Variants in FHIT observed in about 807,000 individuals in gnomAD.
FHIT encodes the protein bis(5'-adenosyl)-triphosphatase.
FHIT carries 19 observed loss-of-function variants against 17.9 expected under a neutral mutation model. The observed-to-expected ratio is 1.06, with a 90% confidence interval of 0.74 to 1.56. The LOEUF is 1.56. Ranked by LOEUF, FHIT falls within the 40% of genes most tolerant of loss-of-function variation. The pLI, the probability that FHIT is intolerant of heterozygous loss-of-function variation, is 0.00. For missense variants in FHIT, 248 were observed against 189.2 expected, an observed-to-expected ratio of 1.31 and a Z score of -1.82; for synonymous variants, 81 against 69.7, an observed-to-expected ratio of 1.16 and a Z score of -0.81.
intron 5 of FHIT, among the ~76,000 whole-genome samples, chr3:60,052,582 G>A (rs1463739942): frequency 6.6e-6 from 1 of 151,930 alleles, no homozygotes; most frequent in Non-Finnish European, 1.5e-5. Context: ...ATTGTGAACT[G>A]GCTAGAGTGC....
chr3:61,195,127 G>C (rs989659336), intron 2 of FHIT, among the ~76,000 whole-genome samples: 1 of 145,282 alleles, frequency 6.9e-6, no homozygotes, highest in Non-Finnish European at 1.5e-5. Flanking sequence ...AGGGAAGAAA[G>C]AAAAAAAAAA....
intron 3 of FHIT, among the ~76,000 whole-genome samples, chr3:60,959,240 T>G (rs1553779813): frequency 6.6e-6 from 1 of 152,166 alleles, no homozygotes; most frequent in African/African-American, 2.4e-5. Flanking sequence ...ATGTGCTAAT[T>G]TCTTAACTCT....
chr3:60,446,994 T>A (rs1559920999), intron 5 of FHIT, among the ~76,000 whole-genome samples: 1 of 151,982 alleles, frequency 6.6e-6, no homozygotes, highest in Non-Finnish European at 1.5e-5. Flanking sequence ...GACCCAAACT[T>A]CTATGCTTGT....
intron 5 of FHIT, among the ~76,000 whole-genome samples, chr3:60,034,301 C>T (rs1436468252): frequency 6.6e-6 from 1 of 152,238 alleles, no homozygotes; most frequent in Non-Finnish European, 1.5e-5. Flanking sequence ...GGCCAGCTGG[C>T]TGGCTCACAC....
intron 5 of FHIT, among the ~76,000 whole-genome samples, chr3:60,182,233 A>G (rs1257848303): frequency 6.6e-6 from 1 of 152,156 alleles, no homozygotes; most frequent in African/African-American, 2.4e-5. Flanking sequence ...TGAAAACGGG[A>G]TTGACTAAAT....
chr3:59,857,418 G>A (rs1317919245), intron 8 of FHIT, among the ~76,000 whole-genome samples: 1 of 151,876 alleles, frequency 6.6e-6, no homozygotes, highest in Non-Finnish European at 1.5e-5. Context: ...TCTCTACCAC[G>A]TTCCTGACAT....
Position 60,231,617 on chromosome 3 carries a change from C to A in FHIT, c.104-217465G>T, listed in dbSNP as rs187858585. 2.2e-4 allele frequency among the ~76,000 whole-genome samples: 34 copies of A among 152,280 alleles called. 2 individuals are homozygous for A. The highest frequency in any genetic ancestry group is 4.4e-5 in the Non-Finnish European group (3 of 68,024). On this transcript the variant is annotated intron_variant, in intron 5 of 9. Coordinates refer to ENST00000492590, the MANE Select transcript of FHIT (RefSeq NM_002012.4). ...AAGGCAGCCATTTAATGCTTTCCTG[C>A]CTTATAGAATAACTAATCCTTATTG...
At chr3:60,649,676 C>T (rs2039946736) in intron 4 of FHIT, among the ~76,000 whole-genome samples, 1 of 152,036 alleles carries the variant, frequency 6.6e-6, no homozygotes, top group African/African-American at 2.4e-5. Flanking sequence ...GGAGAAAATC[C>T]TGCATATTAA....
intron 4 of FHIT, among the ~76,000 whole-genome samples, chr3:60,579,910 C>G (rs1553659044): frequency 6.6e-6 from 1 of 152,108 alleles, no homozygotes; most frequent in Non-Finnish European, 1.5e-5. Flanking sequence ...CTGGCCACTT[C>G]TCCATGTATT....
intron 8 of FHIT, among the ~76,000 whole-genome samples, chr3:59,764,463 C>G (rs1701691384): frequency 6.6e-6 from 1 of 152,172 alleles, no homozygotes; most frequent in African/African-American, 2.4e-5. Flanking sequence ...CAAAACTGCA[C>G]CCTCTGAAGC....
chr3:60,616,353 T>C (rs530533802), intron 4 of FHIT, among the ~76,000 whole-genome samples: 5 of 152,346 alleles, frequency 3.3e-5, no homozygotes, highest in Admixed American at 2.0e-4. Context: ...GGTGTCAACA[T>C]ATTTCATCAC....
intron 5 of FHIT, among the ~76,000 whole-genome samples, chr3:60,192,128 G>A (rs1394906857): frequency 1.3e-5 from 2 of 151,730 alleles, no homozygotes; most frequent in Non-Finnish European, 2.9e-5. Context: ...GTGGGTGCCT[G>A]TAATCCCAGC....
rs149832955 is a variant in FHIT at position 60,173,855 on chromosome 3, T to C, written c.104-159703A>G. 2.3e-3 allele frequency among the ~76,000 whole-genome samples: 315 copies of C among 134,472 alleles called. 2 individuals carry two copies. The highest frequency in any genetic ancestry group is 4.1e-3 in the Middle Eastern group (1 of 246). The allele number at this position is 134,472 out of a possible 152,430, so 88.2% of individuals were successfully genotyped here. On this transcript the variant is annotated intron_variant, in intron 5 of 9. Coordinates refer to ENST00000492590, the MANE Select transcript of FHIT (RefSeq NM_002012.4). ...GGTGCTAAAATATTTTCAGGATCAA[T>C]GGTGGTGCTAAACTATCTCCATGTT...
chr3:60,976,096 C>CTTTTTTTTTTTTTTTT lies in FHIT; in HGVS notation c.-111+65935_-111+65950dup, dbSNP rs869239307. Among the ~76,000 whole-genome samples, 294 of 66,792 alleles carry CTTTTTTTTTTTTTTTT rather than the reference C, an allele frequency of 4.4e-3. 44 individuals carry two copies. The highest frequency in any genetic ancestry group is 6.7e-3 in the South Asian group (10 of 1,494). 43.8% of individuals were successfully genotyped at this position (66,792 alleles called of 152,430 possible). ...CTTTGTATCTTTCGTTTTTCTTTTT[C>CTTTTTTTTTTTTTTTT]TTTTTTTTTTTTTTTTTTTTTTTTT... On this transcript the variant is annotated intron_variant, in intron 3 of 9. Coordinates refer to ENST00000492590, the MANE Select transcript of FHIT (RefSeq NM_002012.4).
At chr3:60,777,573 A>G (rs1417955386) in intron 4 of FHIT, among the ~76,000 whole-genome samples, 2 of 152,190 alleles carry the variant, frequency 1.3e-5, no homozygotes, top group African/African-American at 4.8e-5. Context: ...CTCTTAGTTG[A>G]TTATCTCCTG....
intron 8 of FHIT, among the ~76,000 whole-genome samples, chr3:59,842,660 G>C (rs1440660515): frequency 6.6e-6 from 1 of 152,146 alleles, no homozygotes; most frequent in African/African-American, 2.4e-5. Flanking sequence ...CTAGTGATTA[G>C]TGATGCTGAG....
intron 5 of FHIT, among the ~76,000 whole-genome samples, chr3:60,491,304 C>T (rs1252783303): frequency 6.6e-6 from 1 of 152,082 alleles, no homozygotes; most frequent in African/African-American, 2.4e-5. Flanking sequence ...CACTCCCTTA[C>T]ACACATACTA....
chr3:61,013,919 C>T (rs941600740), intron 3 of FHIT, among the ~76,000 whole-genome samples: 1 of 152,138 alleles, frequency 6.6e-6, no homozygotes, highest in Non-Finnish European at 1.5e-5. Context: ...GTCTAATGAT[C>T]TTTATAAGTC....
Position 60,524,229 on chromosome 3 carries a change from C to G in FHIT, c.103+12631G>C, listed in dbSNP as rs1428707486. Reference sequence around the variant, plus strand: ...ACACACACACACACACACACACACACACACACACACACACACACAAATAAA... The same window carrying G: ...ACACACACACACACACACACACACAGACACACACACACACACACAAATAAA... On this transcript the variant is annotated intron_variant, in intron 5 of 9. Coordinates refer to ENST00000492590, the MANE Select transcript of FHIT (RefSeq NM_002012.4). Among the ~76,000 whole-genome samples the G allele has an allele frequency of 1.2e-4, 13 of 107,640 alleles. 1 individual carries two copies. Among genetic ancestry groups the G allele is most frequent in the Admixed American group, 5.9e-4 (6 of 10,170 alleles). The allele number at this position is 107,640 out of a possible 152,430, so 70.6% of individuals were successfully genotyped here.
Sources: allele counts gnomAD v4.1 joint callset (sites outside exome capture counted in the v4.1 genomes callset), GRCh38; gene constraint gnomAD v4.1.1; transcripts MANE v1.5; gene names NCBI Gene and HGNC (gene_info 2026-07-23, HGNC 2026-07-21).